The following CAMKMT variants were observed in gnomAD, a reference collection of about 807,000 sequenced individuals.
CAMKMT encodes CaM KMT.
CAMKMT carries 53 observed loss-of-function variants against 48.0 expected under a neutral mutation model. The ratio of observed to expected loss-of-function variants is 1.10; its 90% CI spans 0.89 to 1.39. CAMKMT has a LOEUF of 1.39. Ranked by LOEUF, CAMKMT falls within the 40% of genes most tolerant of loss-of-function variation. The pLI is 0.00. For synonymous variants in CAMKMT, 165 were observed against 152.3 expected, an observed-to-expected ratio of 1.08 and a Z score of -0.61; for missense variants, 428 against 402.7, an observed-to-expected ratio of 1.06 and a Z score of -0.54.
chr2:44,634,668 C>T (rs1459422490), intron 3 of CAMKMT, among the ~76,000 whole-genome samples: 1 of 151,816 alleles, frequency 6.6e-6, no homozygotes, highest in Non-Finnish European at 1.5e-5. Context: ...AGAGGACAAA[C>T]ATGTAATATA....
intron 3 of CAMKMT, among the ~76,000 whole-genome samples, chr2:44,543,965 A>G (rs1180010314): frequency 6.6e-6 from 1 of 152,154 alleles, no homozygotes; most frequent in Non-Finnish European, 1.5e-5. Context: ...ATATTGGTTT[A>G]ACCAAAGCTC....
intron 3 of CAMKMT, among the ~76,000 whole-genome samples, chr2:44,643,940 G>T (rs528752410): frequency 1.3e-5 from 2 of 152,318 alleles, no homozygotes; most frequent in South Asian, 4.1e-4. Flanking sequence ...TGGTATTGAT[G>T]AAATATCTCT....
chr2:44,451,754 T>C (rs1390021318), intron 3 of CAMKMT, among the ~76,000 whole-genome samples: 1 of 151,972 alleles, frequency 6.6e-6, no homozygotes, highest in Non-Finnish European at 1.5e-5. Context: ...CACGGTAAAA[T>C]GTTAAGGATA....
intron 9 of CAMKMT, among the ~76,000 whole-genome samples, chr2:44,763,038 T>C (rs2104401700): frequency 6.6e-6 from 1 of 152,314 alleles, no homozygotes; most frequent in East Asian, 1.9e-4. Context: ...ATCCCTCTGA[T>C]GGTACTGTTC....
intron 3 of CAMKMT, among the ~76,000 whole-genome samples, chr2:44,602,180 GT>G (rs543132479): frequency 6.6e-6 from 1 of 151,640 alleles, no homozygotes; most frequent in Non-Finnish European, 1.5e-5. Flanking sequence ...TGATTTTTGT[GT>G]TTTTTGTAGA....
At chr2:44,525,431 T>G (rs1485692668) in intron 3 of CAMKMT, among the ~76,000 whole-genome samples, 1 of 152,112 alleles carries the variant, frequency 6.6e-6, no homozygotes, top group Non-Finnish European at 1.5e-5. Flanking sequence ...ATTTTTTGTA[T>G]TTTTAGTAGA....
intron 3 of CAMKMT, among the ~76,000 whole-genome samples, chr2:44,400,339 A>T (rs1266632068): frequency 6.6e-6 from 1 of 152,094 alleles, no homozygotes; most frequent in East Asian, 1.9e-4. Flanking sequence ...TCGATTTTTC[A>T]GTTTCTTTTA....
intron 3 of CAMKMT, among the ~76,000 whole-genome samples, chr2:44,608,454 A>G (rs1330074539): frequency 1.3e-5 from 2 of 152,154 alleles, no homozygotes; most frequent in Non-Finnish European, 2.9e-5. Flanking sequence ...GCACCTATTG[A>G]CATTTCAATA....
chr2:44,580,488 A>C (rs1402372188), intron 3 of CAMKMT, among the ~76,000 whole-genome samples: 2 of 152,214 alleles, frequency 1.3e-5, no homozygotes, highest in Non-Finnish European at 2.9e-5. Context: ...TCCTAGAAAT[A>C]ATCATACTTG....
At chr2:44,729,023 TA>T (rs58088335) in intron 7 of CAMKMT, among the ~76,000 whole-genome samples, 65 of 146,660 alleles carry the variant, frequency 4.4e-4, no homozygotes, top group Admixed American at 8.9e-4. Context: ...TTTGTTTTTT[TA>T]AAAAAAAAAA....
chr2:44,411,813 G>C (rs1683221976), intron 3 of CAMKMT, among the ~76,000 whole-genome samples: 2 of 151,776 alleles, frequency 1.3e-5, no homozygotes, highest in Non-Finnish European at 2.9e-5. Context: ...ATTCAAGGTA[G>C]TCTTTTTAAT....
chr2:44,581,278 G>A (rs1371424141), intron 3 of CAMKMT, among the ~76,000 whole-genome samples: 1 of 152,138 alleles, frequency 6.6e-6, no homozygotes, highest in East Asian at 1.9e-4. Flanking sequence ...TTTATCATGT[G>A]CTAAGGATTA....
At chr2:44,400,284 A>T (rs1200232468) in intron 3 of CAMKMT, among the ~76,000 whole-genome samples, 1 of 152,220 alleles carries the variant, frequency 6.6e-6, no homozygotes, top group African/African-American at 2.4e-5. Context: ...ATTTTTAAAA[A>T]ATTACAACCA....
chr2:44,539,604 A>G (rs1318404464), intron 3 of CAMKMT, among the ~76,000 whole-genome samples: 1 of 152,094 alleles, frequency 6.6e-6, no homozygotes, highest in Non-Finnish European at 1.5e-5. Flanking sequence ...CCAGTTCACA[A>G]TCATGCCTTT....
At chr2:44,536,659 A>T (rs543773749) in intron 3 of CAMKMT, among the ~76,000 whole-genome samples, 1 of 152,258 alleles carries the variant, frequency 6.6e-6, no homozygotes, top group Admixed American at 6.5e-5. Context: ...AATAGAAAAA[A>T]TAATCCCCAA....
At chr2:44,439,077 A>G (rs1409829910) in intron 3 of CAMKMT, among the ~76,000 whole-genome samples, 1 of 152,102 alleles carries the variant, frequency 6.6e-6, no homozygotes, top group Admixed American at 6.6e-5. Flanking sequence ...TACAGAAGAA[A>G]CAGCTATAGT....
intron 3 of CAMKMT, among the ~76,000 whole-genome samples, chr2:44,563,694 G>A (rs185133582): frequency 1.0e-3 from 156 of 151,816 alleles, no homozygotes; most frequent in African/African-American, 3.4e-3. Flanking sequence ...TCATTGTTCA[G>A]TTCCCACCTA....
chr2:44,494,904 C>T (rs539494508), intron 3 of CAMKMT, among the ~76,000 whole-genome samples: 1 of 152,344 alleles, frequency 6.6e-6, no homozygotes, highest in Non-Finnish European at 1.5e-5. Flanking sequence ...CACATCCTCA[C>T]TAGTCTGTGA....
chr2:44,606,587 G>C (rs1480932093), intron 3 of CAMKMT, among the ~76,000 whole-genome samples: 1 of 152,004 alleles, frequency 6.6e-6, no homozygotes, highest in Non-Finnish European at 1.5e-5. Context: ...AATATATCCA[G>C]CTTTTTATTA....
Sources: gnomAD v4.1 joint callset for allele counts (sites outside exome capture counted in the v4.1 genomes callset) on GRCh38, gnomAD v4.1.1 for gene constraint, MANE v1.5 for transcripts, NCBI Gene and HGNC (gene_info 2026-07-23, HGNC 2026-07-21) for gene names.